The following SPATA13 variants were observed in gnomAD, a reference collection of about 807,000 sequenced individuals.
SPATA13 encodes spermatogenesis associated 13.
Under a neutral mutation model 104.0 loss-of-function variants are expected in SPATA13, and 50 were observed. That is an observed-to-expected ratio of 0.48 (90% confidence interval 0.38 to 0.61). SPATA13 has a LOEUF of 0.61. SPATA13 is among the 20% of genes least tolerant of loss of function. The probability of loss-of-function intolerance (pLI) is 0.00; values close to 1 mark genes in which losing one functional copy is unlikely to be tolerated. For missense variants in SPATA13, 1,524 were observed against 1,690.6 expected (o/e 0.90, Z 1.73); for synonymous variants, 606 against 667.5 (o/e 0.91, Z 1.42).
intron 2 of SPATA13, among the ~76,000 whole-genome samples, chr13:23,989,064 G>A (rs1283235894): frequency 6.6e-6 from 1 of 152,170 alleles, no homozygotes; most frequent in Non-Finnish European, 1.5e-5. Flanking sequence ...TGGTTCATAT[G>A]CTGAAGAAAG....
chr13:24,083,932 G>A (rs1023992719), intron 3 of SPATA13, among the ~76,000 whole-genome samples: 1 of 152,212 alleles, frequency 6.6e-6, no homozygotes, highest in Non-Finnish European at 1.5e-5. Context: ...ATCCAATGAA[G>A]CATCTCATGA....
At chr13:24,252,561 A>G (rs1873553194) in intron 4 of SPATA13, among the ~76,000 whole-genome samples, 1 of 152,076 alleles carries the variant, frequency 6.6e-6, no homozygotes, top group Non-Finnish European at 1.5e-5. Flanking sequence ...TTGAAAGAAC[A>G]GGCAGAAATA....
chr13:24,185,757 G>C (rs929361193), intron 1 of SPATA13, among the ~76,000 whole-genome samples: 3 of 150,192 alleles, frequency 2.0e-5, no homozygotes, highest in Non-Finnish European at 4.4e-5. Context: ...TGTTAGTCAG[G>C]GTTCTCCAGA....
intron 1 of SPATA13, among the ~76,000 whole-genome samples, chr13:24,195,963 A>G (rs1870033726): frequency 1.3e-5 from 2 of 152,322 alleles, no homozygotes; most frequent in South Asian, 4.1e-4. Flanking sequence ...TTTATGAAAA[A>G]ATTAAAAATT....
intron 2 of SPATA13, among the ~76,000 whole-genome samples, chr13:23,989,380 C>G (rs537709334): frequency 2.6e-5 from 4 of 151,968 alleles, no homozygotes; most frequent in African/African-American, 9.7e-5. Context: ...CGAGATCACG[C>G]CACTGCACTC....
chr13:24,041,266 T>A (rs1877918614), intron 3 of SPATA13, among the ~76,000 whole-genome samples: 1 of 152,242 alleles, frequency 6.6e-6, no homozygotes, highest in Non-Finnish European at 1.5e-5. Flanking sequence ...TTAATTGTTA[T>A]ATAAGTTATT....
At chr13:24,017,870 T>C (rs1158195238) in intron 3 of SPATA13, among the ~76,000 whole-genome samples, 1 of 152,264 alleles carries the variant, frequency 6.6e-6, no homozygotes, top group Non-Finnish European at 1.5e-5. Context: ...CACACTTTTC[T>C]TGACTTTCAA....
At chr13:24,209,137 C>T (rs1870873063) in intron 1 of SPATA13, among the ~76,000 whole-genome samples, 1 of 152,104 alleles carries the variant, frequency 6.6e-6, no homozygotes, top group African/African-American at 2.4e-5. Flanking sequence ...GAGCCTCTGG[C>T]TTAGGTGCCC....
chr13:24,032,126 G>A (rs919155623), intron 3 of SPATA13, among the ~76,000 whole-genome samples: 5 of 152,140 alleles, frequency 3.3e-5, no homozygotes, highest in Admixed American at 2.6e-4. Flanking sequence ...CCCAGGTGAC[G>A]TCTGATCACC....
chr13:24,244,734 G>A (rs1873023446), intron 2 of SPATA13, among the ~76,000 whole-genome samples: 1 of 152,184 alleles, frequency 6.6e-6, no homozygotes. Flanking sequence ...GTGGTGGTAT[G>A]CACCTGTAGT....
At chr13:24,121,679 C>A (rs1027591975) in intron 3 of SPATA13, among the ~76,000 whole-genome samples, 2 of 152,168 alleles carry the variant, frequency 1.3e-5, no homozygotes, top group African/African-American at 4.8e-5. Context: ...GAGTTTTATA[C>A]TGCAAATGAG....
chr13:23,989,331 A>G (rs554251143), intron 2 of SPATA13, among the ~76,000 whole-genome samples: 18 of 152,166 alleles, frequency 1.2e-4, no homozygotes, highest in African/African-American at 4.1e-4. Flanking sequence ...CTGAGGAAGG[A>G]GAATTGCTTC....
Position 24,222,954 on chromosome 13 carries a change from T to A in SPATA13, c.25T>A (p.Trp9Arg). 1 of 1,551,198 alleles carries A rather than the reference T, an allele frequency of 6.4e-7. No individual in the cohort carries two copies. Among genetic ancestry groups the A allele is most frequent in the Non-Finnish European group, 8.7e-7 (1 of 1,146,762 alleles). ...CATGACCCAGGCTGCCGTGCGGCCC[T>A]GGGCACCCTGCCTGGAGAACATGAC... The part of the protein sequence containing the change: MTQAAVRP[W>R]APCLENMTTA... The change falls in exon 2 of 13, where the codon TGG (tryptophan) becomes AGG (arginine). Residue 9 changes from tryptophan (W) to arginine (R), a missense_variant. Physicochemically the swap from Trp to Arg is moderately radical, Grantham distance 101. Coordinates refer to ENST00000382108, the MANE Select transcript of SPATA13 (RefSeq NM_001166271.3).
intron 3 of SPATA13, among the ~76,000 whole-genome samples, chr13:24,021,479 C>T (rs1001162859): frequency 2.6e-5 from 4 of 152,136 alleles, no homozygotes; most frequent in Non-Finnish European, 4.4e-5. Flanking sequence ...GGTGACAGAA[C>T]GAGACCTTGT....
At position 24,302,728 on chromosome 13, in the gene SPATA13, G is replaced by T; in HGVS notation, c.3789G>T (p.Ser1263=). The T allele has an allele frequency of 6.2e-7, 1 of 1,614,098 alleles. No individual in the cohort carries two copies. The highest frequency in any genetic ancestry group is 1.1e-5 in the South Asian group (1 of 91,068). Residue 1263 remains serine, a synonymous_variant, in exon 13 of 13, where the codon TCG becomes TCT. Coordinates refer to ENST00000382108, the MANE Select transcript of SPATA13 (RefSeq NM_001166271.3). ...TGGCGGAACCCAAGAGGAAGTCCTC[G>T]CTCTTCTGGCACACCTTCAACAGGC... The part of the protein sequence containing the change: ...FGLAEPKRKS[S]LFWHTFNRLT...
intron 4 of SPATA13, among the ~76,000 whole-genome samples, chr13:24,280,873 A>G (rs1875455778): frequency 6.6e-6 from 1 of 152,140 alleles, no homozygotes; most frequent in African/African-American, 2.4e-5. Flanking sequence ...CTGCTCTCCG[A>G]CTGTACGCAC....
chr13:24,158,487 G>A (rs187757987), upstream of SPATA13, among the ~76,000 whole-genome samples: 2 of 152,300 alleles, frequency 1.3e-5, no homozygotes, highest in African/African-American at 4.8e-5. Context: ...GGCTGGTGAT[G>A]TACTCCCGTG....
chr13:24,234,358 A>G (rs778467650), intron 2 of SPATA13, among the ~76,000 whole-genome samples: 2 of 152,156 alleles, frequency 1.3e-5, no homozygotes, highest in African/African-American at 2.4e-5. Flanking sequence ...ACACTTCCAT[A>G]TTCTTCAGAG....
intron 1 of SPATA13, among the ~76,000 whole-genome samples, chr13:24,221,747 G>C (rs1871596150): frequency 6.6e-6 from 1 of 151,986 alleles, no homozygotes; most frequent in Non-Finnish European, 1.5e-5. Flanking sequence ...GTGGTTGTCA[G>C]GGCACGTGGG....
Sources: allele counts gnomAD v4.1 joint callset (sites outside exome capture counted in the v4.1 genomes callset), GRCh38; gene constraint gnomAD v4.1.1; transcripts MANE v1.5; gene names NCBI Gene and HGNC (gene_info 2026-07-23, HGNC 2026-07-21).